The following TBC1D8B variants were observed in gnomAD, a reference collection of about 807,000 sequenced individuals.
TBC1D8B encodes TBC1 domain family member 8B, also known as RP11-321G1.1.
A neutral mutation model predicts 82.9 loss-of-function variants in TBC1D8B; 75 were observed. That is an observed-to-expected ratio of 0.90 (90% CI 0.75 to 1.10). The LOEUF is 1.10. Among genes scored for constraint, TBC1D8B ranks in the 50% least tolerant of loss-of-function variants. The probability of loss-of-function intolerance (pLI) is 0.00; values close to 1 mark genes in which losing one functional copy is unlikely to be tolerated. For missense variants in TBC1D8B, 794 were observed against 796.9 expected, an observed-to-expected ratio of 1.00 and a Z score of 0.04; for synonymous variants, 276 against 276.8, an observed-to-expected ratio of 1.00 and a Z score of 0.03.
chrX:106,867,926 A>G (rs1475823030), intron 17 of TBC1D8B, among the ~76,000 whole-genome samples: 2 of 111,502 alleles, frequency 1.8e-5, no homozygotes, highest in Admixed American at 1.9e-4. Flanking sequence ...TATTGTCATC[A>G]ACTATGCTTT....
intron 14 of TBC1D8B, among the ~76,000 whole-genome samples, chrX:106,864,839 G>A (rs1006392028): frequency 9.0e-6 from 1 of 111,636 alleles, no homozygotes; most frequent in Non-Finnish European, 1.9e-5. Context: ...AATGACTTCT[G>A]TATCCATGCT....
chrX:106,868,585 T>C (rs1932828507), intron 18 of TBC1D8B, 109 bp downstream of exon 18: 1 of 434,167 alleles, frequency 2.3e-6, no homozygotes, highest in Non-Finnish European at 3.5e-6. Flanking sequence ...TTTTAACTTA[T>C]ACTTCTTTTG....
In TBC1D8B at chrX:106,802,846, A is replaced by G; in HGVS notation, c.-8A>G. ...AGGTCACTGCTCCCGGGGGGCACAA[A>G]GTTCGCGATGTGGCTGAAGCCTGAG... On this transcript the variant is annotated 5_prime_UTR_variant, in exon 1 of 21. Coordinates refer to ENST00000357242, the MANE Select transcript of TBC1D8B (RefSeq NM_017752.3). 8.3e-7 allele frequency: 1 copy of G among 1,210,605 alleles called. No homozygotes were observed. Among genetic ancestry groups the G allele is most frequent in the Non-Finnish European group, 1.1e-6 (1 of 894,973 alleles).
chrX:106,841,640 A>G (rs1013123009), intron 10 of TBC1D8B, among the ~76,000 whole-genome samples: 1 of 111,802 alleles, frequency 8.9e-6, no homozygotes, highest in Non-Finnish European at 1.9e-5. Flanking sequence ...GCTAACACAA[A>G]CACAGATAAT....
At chrX:106,814,380 A>AT (rs780055938) in intron 1 of TBC1D8B, 3 of 105,194 alleles carry the variant, frequency 2.9e-5, no homozygotes, top group East Asian at 3.0e-4. Context: ...TGAACTCATC[A>AT]TTTTTTATGG....
At chrX:106,804,312 G>A (rs188790131) in intron 1 of TBC1D8B, among the ~76,000 whole-genome samples, 36 of 111,233 alleles carry the variant, frequency 3.2e-4, no homozygotes, top group Non-Finnish European at 6.0e-4. Flanking sequence ...CACTCCCGGG[G>A]TGCAAAGAAT....
At chrX:106,824,619 AAACT>A (rs1931786003) in intron 5 of TBC1D8B, among the ~76,000 whole-genome samples, 1 of 111,599 alleles carries the variant, frequency 9.0e-6, no homozygotes, top group Non-Finnish European at 1.9e-5. Context: ...AACCATAAAC[AAACT>A]GTTTTGCCAT....
At chrX:106,864,495 C>T (rs1218075588) in intron 14 of TBC1D8B, among the ~76,000 whole-genome samples, 1 of 107,381 alleles carries the variant, frequency 9.3e-6, no homozygotes, top group African/African-American at 3.4e-5. Flanking sequence ...CATATTGGCC[C>T]CTCCCATGCT....
chrX:106,826,629 T>G (rs1296626026), intron 6 of TBC1D8B, among the ~76,000 whole-genome samples: 1 of 93,876 alleles, frequency 1.1e-5, no homozygotes, highest in Non-Finnish European at 2.1e-5. Flanking sequence ...TGTCCATGTG[T>G]TCTCATTGTT....
intron 7 of TBC1D8B, among the ~76,000 whole-genome samples, chrX:106,839,095 G>A: frequency 8.9e-6 from 1 of 111,861 alleles, no homozygotes; most frequent in Non-Finnish European, 1.9e-5. Context: ...TGTTGCTTTT[G>A]TTGGGGAGTG....
chrX:106,866,998 T>G, intron 17 of TBC1D8B, 136 bp downstream of exon 17: 1 of 413,876 alleles, frequency 2.4e-6, no homozygotes. Flanking sequence ...GCCCTCAAAT[T>G]ATATTATGAC....
chrX:106,837,135 C>A (rs1932193242), intron 7 of TBC1D8B, among the ~76,000 whole-genome samples: 1 of 111,530 alleles, frequency 9.0e-6, no homozygotes, highest in East Asian at 2.8e-4. Flanking sequence ...TTGAATTAGG[C>A]AATTGTTTAT....
chrX:106,835,506 G>A (rs961787179), intron 7 of TBC1D8B, among the ~76,000 whole-genome samples: 1 of 112,122 alleles, frequency 8.9e-6, no homozygotes, highest in African/African-American at 3.2e-5. Flanking sequence ...ATTAACATTC[G>A]GCTCCTGTTG....
At chrX:106,836,802 T>C (rs746732429) in intron 7 of TBC1D8B, among the ~76,000 whole-genome samples, 2 of 111,848 alleles carry the variant, frequency 1.8e-5, no homozygotes, top group African/African-American at 3.2e-5. Flanking sequence ...TATACAGCTA[T>C]AGTAAACAAG....
At chrX:106,821,559 C>T (rs1184110368) in intron 3 of TBC1D8B, among the ~76,000 whole-genome samples, 1 of 111,203 alleles carries the variant, frequency 9.0e-6, no homozygotes, top group Non-Finnish European at 1.9e-5. Flanking sequence ...TATATACAGT[C>T]GTCCCTAGGT....
chrX:106,822,810 C>T (rs1374766111), intron 4 of TBC1D8B, among the ~76,000 whole-genome samples: 2 of 91,232 alleles, frequency 2.2e-5, no homozygotes. Flanking sequence ...CGAACCTGAG[C>T]AATATAGTGA....
chrX:106,811,742 T>C (rs181644194), intron 1 of TBC1D8B, among the ~76,000 whole-genome samples: 2 of 111,835 alleles, frequency 1.8e-5, no homozygotes, highest in East Asian at 5.6e-4. Flanking sequence ...ATTTATTTGC[T>C]TTTCTGAGGG....
intron 14 of TBC1D8B, among the ~76,000 whole-genome samples, chrX:106,862,857 C>T (rs1232880334): frequency 1.2e-5 from 1 of 85,697 alleles, no homozygotes; most frequent in African/African-American, 4.6e-5. Context: ...AGTTGACTGG[C>T]TTTGATTTTG....
At chrX:106,854,605 A>G (rs982827509) in intron 14 of TBC1D8B, among the ~76,000 whole-genome samples, 1 of 110,296 alleles carries the variant, frequency 9.1e-6, no homozygotes, top group Non-Finnish European at 1.9e-5. Context: ...CCTCTACCTC[A>G]TGGGCTCAAG....
Sources: allele counts gnomAD v4.1 joint callset (sites outside exome capture counted in the v4.1 genomes callset), GRCh38; gene constraint gnomAD v4.1.1; transcripts MANE v1.5; gene names NCBI Gene and HGNC (gene_info 2026-07-23, HGNC 2026-07-21).